Variants in RNASET2 observed in about 807,000 individuals in gnomAD.
The protein encoded by RNASET2 is ribonuclease 6.
Under a neutral mutation model 33.9 loss-of-function variants are expected in RNASET2, and 28 were observed. That is an observed-to-expected ratio of 0.83 (90% CI 0.61 to 1.13). RNASET2 has a LOEUF of 1.13. Ranked by LOEUF, RNASET2 falls within the 50% of genes most tolerant of loss-of-function variation. The pLI, the probability that RNASET2 is intolerant of heterozygous loss-of-function variation, is 0.00. For missense variants in RNASET2, 330 were observed against 319.9 expected, an observed-to-expected ratio of 1.03 and a Z score of -0.24; for synonymous variants, 123 against 121.0, an observed-to-expected ratio of 1.02 and a Z score of -0.11.
At position 166,929,783 on chromosome 6, in the gene RNASET2, T is replaced by A; in HGVS notation, c.576A>T (p.Glu192Asp). 1 of 1,613,828 alleles carries A rather than the reference T, an allele frequency of 6.2e-7. No individual in the cohort carries two copies. Among genetic ancestry groups the A allele is most frequent in the South Asian group, 1.1e-5 (1 of 91,084 alleles). ...GTTCTATCTGACCAATTGTCTGTAC[T>A]TCCTCATCCTAAAAGTAAACAATGA... is the stretch of plus-strand genomic sequence containing the variant. ...IQCLPPSQDE[E>D]VQTIGQIELC... The change falls in exon 9 of 9, where the codon GAA becomes GAT. Residue 192 changes from glutamate to aspartate, a missense_variant. Physicochemically the swap from Glu to Asp is conservative, Grantham distance 45. Transcript: ENST00000508775.
Position 166,956,272 on chromosome 6 carries a change from T to C in RNASET2, c.-90A>G, listed in dbSNP as rs1359562361. The C allele has an allele frequency of 1.6e-6, 2 of 1,256,524 alleles. No individual in the cohort carries two copies. Among genetic ancestry groups the C allele is most frequent in the Non-Finnish European group, 2.3e-6 (2 of 881,640 alleles). 77.8% of individuals were successfully genotyped at this position (1,256,524 alleles called of 1,614,324 possible). A position where few individuals can be genotyped will look rare whatever the true frequency, so the allele number is the denominator to read the frequency against. On this transcript the variant is annotated 5_prime_UTR_variant, in exon 1 of 9. Transcript: ENST00000508775. ...CGAGGAAGACTTCCGGGAGAAACGC[T>C]GTCTCCGAGCCCCCGCGCCGCCGCG...
rs200901770 is a variant in RNASET2, at chr6:166,929,712, G to C, written c.647C>G (p.Pro216Arg). 229 of 1,614,088 alleles carry C rather than the reference G, an allele frequency of 1.4e-4. No individual in the cohort carries two copies. Among genetic ancestry groups the C allele is most frequent in the Non-Finnish European group, 1.8e-4 (207 of 1,180,036 alleles). The change falls in exon 9 of 9, where the codon CCG (proline) becomes CGG (arginine). Residue 216 changes from proline (P) to arginine (R), a missense_variant. Transcript: ENST00000508775. The stretch of plus-strand genomic sequence containing the variant: ...CTGCTTGGGGGACGGCTGCTCCCCC[G>C]GCTCGGTGCAGTTTTGCAGCTGCTG... ...QDQQLQNCTEPGEQPSPKQEV... is the reference protein window; with the variant it reads ...QDQQLQNCTERGEQPSPKQEV...
chr6:166,948,416 T>C (rs1337694909), intron 3 of RNASET2, 154 bp downstream of exon 3: 1 of 707,746 alleles, frequency 1.4e-6, no homozygotes, highest in Admixed American at 2.0e-5. Flanking sequence ...AGGGTTCTGC[T>C]AGAAAGACTA....
intron 6 of RNASET2, chr6:166,935,023 G>C (rs1183197849): frequency 6.6e-6 from 1 of 152,190 alleles, no homozygotes. Flanking sequence ...CGATCACAGA[G>C]TGGACACAAA....
In RNASET2 at chr6:166,926,751, C is replaced by T. The variant is rs1474170189; in HGVS notation, c.*2837G>A. Among the ~76,000 whole-genome samples the T allele has an allele frequency of 6.6e-6, 1 of 152,166 alleles. No homozygotes were observed. Among genetic ancestry groups the T allele is most frequent in the Non-Finnish European group, 1.5e-5 (1 of 68,038 alleles). On this transcript the variant is annotated 3_prime_UTR_variant, in exon 9 of 9. Coordinates refer to ENST00000508775, the MANE Select transcript of RNASET2 (RefSeq NM_003730.6). ...AGAAGGGGCTGGTCTGAAGGAGTTTCATGGGAACCTGGTTTTCTTGTCTCG... is the reference window on the plus strand; with the variant it reads ...AGAAGGGGCTGGTCTGAAGGAGTTTTATGGGAACCTGGTTTTCTTGTCTCG...
At position 166,926,644 on chromosome 6, in the gene RNASET2, G is replaced by A. The variant is rs560244628; in HGVS notation, c.*2944C>T. Among the ~76,000 whole-genome samples the A allele has an allele frequency of 6.6e-6, 1 of 152,160 alleles. No individual in the cohort carries two copies. Among genetic ancestry groups the A allele is most frequent in the Non-Finnish European group, 1.5e-5 (1 of 68,024 alleles). ...TGATCTCCCACTACTAGCTTGGAGA[G>A]AGGGATTGCTTTCCAGGTGACAAAG... On this transcript the variant is annotated 3_prime_UTR_variant, in exon 9 of 9. Coordinates refer to ENST00000508775, the MANE Select transcript of RNASET2 (RefSeq NM_003730.6).
chr6:166,939,087 A>G, intron 5 of RNASET2, 79 bp from the exon 6 acceptor site: 2 of 1,020,990 alleles, frequency 2.0e-6, no homozygotes, highest in African/African-American at 1.6e-5. Context: ...TAATCCCAAC[A>G]CTTTGGGAGG....
chr6:166,940,618 C>T (rs1172741662), intron 5 of RNASET2, among the ~76,000 whole-genome samples: 1 of 152,130 alleles, frequency 6.6e-6, no homozygotes, highest in Non-Finnish European at 1.5e-5. Context: ...CAGTTCCTGG[C>T]TCACAATAAA....
At position 166,952,541 on chromosome 6, in the gene RNASET2, G is replaced by A. The variant is rs542520182; in HGVS notation, c.94C>T (p.His32Tyr). The A allele has an allele frequency of 3.7e-6, 6 of 1,612,398 alleles. No homozygotes were observed. In the South Asian group the frequency reaches 5.5e-5, roughly 15 times the overall value. ...GGADKRLRDNHEWKKLIMVQH... is the reference protein window; with the variant it reads ...GGADKRLRDNYEWKKLIMVQH... ...ACCATAATTAGTTTTTTCCACTCAT[G>A]GTTGTCACTGTTAAAACATAAGAAA... Residue 32 changes from histidine to tyrosine, a missense_variant, in exon 2 of 9, where the codon CAT (histidine) becomes TAT (tyrosine). By Grantham distance (83) the His-to-Tyr change is moderately conservative (BLOSUM62 2). Coordinates refer to ENST00000508775, the MANE Select transcript of RNASET2 (RefSeq NM_003730.6).
chr6:166,925,248 G>A lies in RNASET2; in HGVS notation c.*4340C>T, dbSNP rs971066002. 8.1e-5 allele frequency among the ~76,000 whole-genome samples: 12 copies of A among 148,004 alleles called. No individual in the cohort carries two copies. Among genetic ancestry groups the A allele is most frequent in the Non-Finnish European group, 1.5e-4 (10 of 67,046 alleles). ...CCCTTGCTGTCCAGCCGACACCTAC[G>A]ATGCGCAGTCCATGTCTCCGCTGCC... On this transcript the variant is annotated 3_prime_UTR_variant, in exon 9 of 9. Transcript: ENST00000508775.
intron 1 of RNASET2, 116 bp downstream of exon 1, chr6:166,955,981 C>G: frequency 8.4e-7 from 1 of 1,185,806 alleles, no homozygotes; most frequent in Non-Finnish European, 1.2e-6. Flanking sequence ...CCCGCCCTCC[C>G]CAGTCGCTGC....
intron 3 of RNASET2, 42 bp from the exon 4 acceptor site, chr6:166,946,781 C>T: frequency 7.8e-7 from 1 of 1,288,228 alleles, no homozygotes; most frequent in Non-Finnish European, 1.1e-6. Context: ...AAATATTAGG[C>T]TTGGTTGGGG....
Position 166,938,879 on chromosome 6 carries a change from G to T in RNASET2, c.446+16C>A. ...ATCCCCACTGGGAAGTGCAGCCGGG[G>T]GAAGGGCGCACCCACCTGTTGAGGT... is the stretch of plus-strand genomic sequence containing the variant. On this transcript the variant is annotated intron_variant, in intron 6 of 8. Transcript: ENST00000508775. 1 of 1,566,704 alleles carries T rather than the reference G, an allele frequency of 6.4e-7. No homozygotes were observed. Among genetic ancestry groups the T allele is most frequent in the East Asian group, 2.2e-5 (1 of 44,666 alleles).
chr6:166,950,386 T>C (rs892440311), intron 2 of RNASET2, among the ~76,000 whole-genome samples: 5 of 152,168 alleles, frequency 3.3e-5, no homozygotes, highest in African/African-American at 1.2e-4. Flanking sequence ...TCTGCAAAAC[T>C]GAAAACGGGG....
At chr6:166,939,042 T>C (rs370838074) in intron 5 of RNASET2, 34 bp from the exon 6 acceptor site, 7 of 1,506,626 alleles carry the variant, frequency 4.6e-6, no homozygotes, top group Non-Finnish European at 6.4e-6. Flanking sequence ...CACTTAAAAG[T>C]AGTGAAACAG....
rs141024457 is a variant in RNASET2, at chr6:166,925,007, G to A, written c.*4581C>T. 3.5e-4 allele frequency among the ~76,000 whole-genome samples: 53 copies of A among 151,936 alleles called. No homozygotes were observed. The highest frequency in any genetic ancestry group is 3.4e-3 in the Middle Eastern group (1 of 294). ...CCTCCACCGCGCAGGCCTCATCTAC[G>A]CCATCCAGCCCTCACCCACAGTGTC... On this transcript the variant is annotated 3_prime_UTR_variant, in exon 9 of 9. Transcript: ENST00000508775.
At chr6:166,948,481 A>C (rs1039981848) in intron 3 of RNASET2, 89 bp downstream of exon 3, 8 of 840,952 alleles carry the variant, frequency 9.5e-6, no homozygotes, top group Non-Finnish European at 1.5e-5. Flanking sequence ...AAAATAAAAA[A>C]CAAGAATAAA....
chr6:166,956,132 C>T lies in RNASET2; in HGVS notation c.51G>A (p.Ala17=). The T allele has an allele frequency of 6.4e-7, 1 of 1,552,014 alleles. No individual in the cohort carries two copies. Among genetic ancestry groups the T allele is most frequent in the South Asian group, 1.2e-5 (1 of 84,118 alleles). Residue 17 remains alanine (A), a synonymous_variant, in exon 1 of 9, where the codon GCG becomes GCA. Transcript: ENST00000508775. ...RGALLGCLCL[A]LLCLGGADKR... ...TGTCCGCACCGCCCAGGCAAAGCAA[C>T]GCCAGGCAGAGGCAGCCCAGCAGGG...
Position 166,956,411 on chromosome 6 carries a change from A to C in RNASET2, c.-229T>G. On this transcript the variant is annotated 5_prime_UTR_variant, in exon 1 of 9. Coordinates refer to ENST00000508775, the MANE Select transcript of RNASET2 (RefSeq NM_003730.6). ...GGGAATGGCCGCAGCAGCCCTGGCG[A>C]CCCGGGCCCCTCGGAGCTCCCCTTC... The C allele has an allele frequency of 1.8e-6, 1 of 569,708 alleles. No homozygotes were observed. The highest frequency in any genetic ancestry group is 2.0e-5 in the South Asian group (1 of 49,014). 35.3% of individuals were successfully genotyped at this position (569,708 alleles called of 1,614,324 possible). A position where few individuals can be genotyped will look rare whatever the true frequency, so the allele number is the denominator to read the frequency against.
Sources: allele counts gnomAD v4.1 joint callset (sites outside exome capture counted in the v4.1 genomes callset), GRCh38; gene constraint gnomAD v4.1.1; transcripts MANE v1.5; gene names NCBI Gene and HGNC (gene_info 2026-07-23, HGNC 2026-07-21).